The following ACER3 variants were observed in gnomAD, a reference collection of about 807,000 sequenced individuals.
The protein encoded by ACER3 is alkCDase 3.
In ACER3, 16 loss-of-function variants were observed where a neutral mutation model predicts 48.9. The ratio of observed to expected loss-of-function variants is 0.33; its 90% CI spans 0.22 to 0.50. ACER3 has a LOEUF of 0.50. ACER3 is among the 20% of genes least tolerant of loss of function. The pLI is 0.98. For missense variants in ACER3, 227 were observed against 326.0 expected (o/e 0.70, Z 2.34); for synonymous variants, 109 against 107.8 (o/e 1.01, Z -0.07).
intron 1 of ACER3, among the ~76,000 whole-genome samples, chr11:76,871,409 TA>T: frequency 6.6e-6 from 1 of 152,330 alleles, no homozygotes; most frequent in East Asian, 1.9e-4. Flanking sequence ...TGTCAATCAG[TA>T]CATGTAAGGT....
At chr11:77,019,512 A>G (rs1465540027) in intron 9 of ACER3, 1 of 557,974 alleles carries the variant, frequency 1.8e-6, no homozygotes, top group Non-Finnish European at 3.2e-6. Flanking sequence ...AAAATGGAAC[A>G]ACAAAGCCTA....
intron 6 of ACER3, among the ~76,000 whole-genome samples, chr11:76,995,693 A>G (rs1211335063): frequency 6.6e-6 from 1 of 152,158 alleles, no homozygotes; most frequent in Non-Finnish European, 1.5e-5. Flanking sequence ...ATCAGTTTCT[A>G]TATAGTCGGA....
chr11:76,909,452 G>A (rs1244474525), intron 1 of ACER3, among the ~76,000 whole-genome samples: 5 of 152,132 alleles, frequency 3.3e-5, no homozygotes, highest in African/African-American at 7.2e-5. Context: ...ATCAAAAAGC[G>A]GGCAAAGGAT....
At chr11:76,894,028 T>C (rs926899335) in intron 1 of ACER3, among the ~76,000 whole-genome samples, 3 of 152,160 alleles carry the variant, frequency 2.0e-5, no homozygotes, top group Admixed American at 1.3e-4. Context: ...CGGTGGCTCA[T>C]GCCTATAATT....
At chr11:76,917,000 C>T (rs115573526) in intron 1 of ACER3, among the ~76,000 whole-genome samples, 1,974 of 152,272 alleles carry the variant, frequency 0.013, 49 homozygotes, top group African/African-American at 0.045. Context: ...TGATATGGAG[C>T]TCCCAAGTTC....
At chr11:76,864,896 G>A (rs1000423442) in intron 1 of ACER3, among the ~76,000 whole-genome samples, 14 of 148,182 alleles carry the variant, frequency 9.4e-5, no homozygotes, top group Non-Finnish European at 1.9e-4. Context: ...TCCATGCCCA[G>A]TTGTCTTTTT....
chr11:76,992,909 C>T (rs781229139), intron 6 of ACER3, among the ~76,000 whole-genome samples: 43 of 152,008 alleles, frequency 2.8e-4, no homozygotes, highest in African/African-American at 1.0e-3. Flanking sequence ...CGCCCTGTCA[C>T]CCAGGCTGGA....
chr11:76,989,402 G>A (rs1179851695), intron 5 of ACER3, among the ~76,000 whole-genome samples: 2 of 152,074 alleles, frequency 1.3e-5, no homozygotes, highest in African/African-American at 4.8e-5. Flanking sequence ...GTCTTGTAGG[G>A]AGAGAAACAA....
chr11:76,863,926 C>G (rs537822357), intron 1 of ACER3, among the ~76,000 whole-genome samples: 1 of 152,316 alleles, frequency 6.6e-6, no homozygotes, highest in Non-Finnish European at 1.5e-5. Flanking sequence ...ATCATTACTT[C>G]TATCACACAT....
intron 1 of ACER3, among the ~76,000 whole-genome samples, chr11:76,895,755 G>A (rs1457365607): frequency 1.3e-5 from 2 of 152,084 alleles, no homozygotes; most frequent in Non-Finnish European, 2.9e-5. Flanking sequence ...AGTAAAAAAT[G>A]TTTTTTTAAT....
intron 2 of ACER3, among the ~76,000 whole-genome samples, chr11:76,944,979 G>A (rs1947436727): frequency 6.8e-6 from 1 of 148,106 alleles, no homozygotes; most frequent in South Asian, 2.2e-4. Flanking sequence ...TCTTTCTTCT[G>A]CTTGGTCTAG....
chr11:76,867,059 A>G (rs1945108571), intron 1 of ACER3, among the ~76,000 whole-genome samples: 1 of 152,196 alleles, frequency 6.6e-6, no homozygotes, highest in South Asian at 2.1e-4. Context: ...TCAGAAAAGA[A>G]TTACCCGGTT....
At chr11:76,966,087 A>G (rs1219378844) in intron 3 of ACER3, among the ~76,000 whole-genome samples, 2 of 151,742 alleles carry the variant, frequency 1.3e-5, no homozygotes, top group Admixed American at 6.6e-5. Context: ...AGACACACAT[A>G]GGCTCAAAAT....
At chr11:76,954,147 A>G (rs1003845091) in intron 2 of ACER3, among the ~76,000 whole-genome samples, 17 of 152,206 alleles carry the variant, frequency 1.1e-4, no homozygotes, top group African/African-American at 4.1e-4. Context: ...GGGTTTCACC[A>G]TGTTGGTCAG....
At chr11:76,983,584 G>T (rs1316331184) in intron 4 of ACER3, among the ~76,000 whole-genome samples, 1 of 152,138 alleles carries the variant, frequency 6.6e-6, no homozygotes, top group Non-Finnish European at 1.5e-5. Flanking sequence ...CAAAGTGCTG[G>T]AATTACAGGC....
At chr11:76,912,167 C>A (rs1219981436) in intron 1 of ACER3, among the ~76,000 whole-genome samples, 1 of 151,968 alleles carries the variant, frequency 6.6e-6, no homozygotes, top group Non-Finnish European at 1.5e-5. Context: ...TAGAGTATTC[C>A]TTAAGTTCAG....
intron 3 of ACER3, among the ~76,000 whole-genome samples, chr11:76,963,329 CA>C (rs1948050040): frequency 7.3e-6 from 1 of 136,580 alleles, no homozygotes; most frequent in South Asian, 2.4e-4. Context: ...ATAAGTTTCT[CA>C]AACACTTACA....
intron 1 of ACER3, among the ~76,000 whole-genome samples, chr11:76,894,741 G>T (rs1945888318): frequency 6.6e-6 from 1 of 152,194 alleles, no homozygotes; most frequent in African/African-American, 2.4e-5. Flanking sequence ...CACAAGTTTG[G>T]ATATTTGAAA....
At chr11:76,930,857 C>A (rs1040745265) in intron 2 of ACER3, among the ~76,000 whole-genome samples, 13 of 152,042 alleles carry the variant, frequency 8.6e-5, no homozygotes, top group Non-Finnish European at 2.9e-5. Flanking sequence ...TGTTCTTTTA[C>A]ATTTGCTGAG....
Sources: allele counts gnomAD v4.1 joint callset (sites outside exome capture counted in the v4.1 genomes callset), GRCh38; gene constraint gnomAD v4.1.1; transcripts MANE v1.5; gene names NCBI Gene and HGNC (gene_info 2026-07-23, HGNC 2026-07-21).